Variants in FBXO11 observed in about 807,000 individuals in gnomAD.
The protein encoded by FBXO11 is F-box only protein 11.
In FBXO11, 13 loss-of-function variants were observed where a neutral mutation model predicts 117.0. The observed-to-expected ratio is 0.11, with a 90% confidence interval of 0.07 to 0.18. The LOEUF is 0.18. FBXO11 is among the 10% of genes least tolerant of loss of function. The pLI is 1.00. For synonymous variants in FBXO11, 490 were observed against 380.5 expected (o/e 1.29, Z -3.35); for missense variants, 767 against 1,164.4 (o/e 0.66, Z 4.97).
intron 11 of FBXO11, among the ~76,000 whole-genome samples, chr2:47,831,537 A>G (rs890398184): frequency 1.3e-5 from 2 of 151,968 alleles, no homozygotes; most frequent in African/African-American, 4.8e-5. Context: ...ACAAAACCTC[A>G]CCATAATCCT....
At chr2:47,839,276 C>G (rs1672837734) in intron 3 of FBXO11, 143 bp downstream of exon 3, 1 of 796,856 alleles carries the variant, frequency 1.3e-6, no homozygotes, top group South Asian at 2.0e-5. Context: ...AGGGAGAGGT[C>G]AGGGTTCTAA....
intron 1 of FBXO11, among the ~76,000 whole-genome samples, chr2:47,900,510 T>C (rs564363480): frequency 1.3e-5 from 2 of 149,522 alleles, no homozygotes; most frequent in African/African-American, 2.4e-5. Flanking sequence ...ATTATAAATA[T>C]ACAGCTCATT....
At chr2:47,822,647 G>A (rs1671471753) in intron 12 of FBXO11, among the ~76,000 whole-genome samples, 1 of 152,178 alleles carries the variant, frequency 6.6e-6, no homozygotes, top group African/African-American at 2.4e-5. Flanking sequence ...ATAATTCATA[G>A]TGTCTGATTA....
In FBXO11 at chr2:47,886,505, A is replaced by G. The variant is rs186847991; in HGVS notation, c.232+18984T>C. On this transcript the variant is annotated intron_variant, in intron 1 of 22. Transcript: ENST00000403359. ...TGGGAGACAGAGCGAGACTCTCAAA[A>G]AAAAAAAAAAAAAGTGAATCTTTCT... 4.2e-3 allele frequency among the ~76,000 whole-genome samples: 637 copies of G among 151,886 alleles called. 4 individuals carry two copies. Among genetic ancestry groups the G allele is most frequent in the Non-Finnish European group, 4.0e-3 (275 of 67,930 alleles).
intron 1 of FBXO11, among the ~76,000 whole-genome samples, chr2:47,901,751 T>C (rs1162677104): frequency 1.3e-5 from 2 of 152,188 alleles, no homozygotes; most frequent in African/African-American, 4.8e-5. Context: ...GCTTTCCTCA[T>C]ACTTTGTAAT....
intron 1 of FBXO11, among the ~76,000 whole-genome samples, chr2:47,900,465 C>A (rs1411468518): frequency 6.6e-6 from 1 of 151,930 alleles, no homozygotes; most frequent in Non-Finnish European, 1.5e-5. Flanking sequence ...GCATTCCTGA[C>A]TAGAACAGCA....
At chr2:47,835,786 C>G in intron 5 of FBXO11, 86 bp downstream of exon 5, 2 of 1,094,336 alleles carry the variant, frequency 1.8e-6, no homozygotes, top group Non-Finnish European at 2.5e-6. Context: ...GTGTGAGCCA[C>G]CACGCCCAGC....
chr2:47,830,696 A>C (rs571057415), intron 11 of FBXO11, among the ~76,000 whole-genome samples: 1 of 152,270 alleles, frequency 6.6e-6, no homozygotes, highest in South Asian at 2.1e-4. Flanking sequence ...TACAAGCCCA[A>C]ATCTATTCTT....
At chr2:47,859,715 T>G (rs74371571) in intron 1 of FBXO11, among the ~76,000 whole-genome samples, 11,073 of 152,312 alleles carry the variant, frequency 0.073, 563 homozygotes, top group Non-Finnish European at 0.11. Context: ...ATTTTAACTT[T>G]AATCATTTTG....
At position 47,834,559 on chromosome 2, in the gene FBXO11, G is replaced by C; in HGVS notation, c.934+20C>G. 1 of 1,510,496 alleles carries C rather than the reference G, an allele frequency of 6.6e-7. No individual in the cohort carries two copies. 93.6% of individuals were successfully genotyped at this position (1,510,496 alleles called of 1,614,324 possible). On this transcript the variant is annotated intron_variant, in intron 7 of 22. Transcript: ENST00000403359. ...ATGAGTAAAATATTAAAATTTTAAT[G>C]ACAATGCATTTCAAAATACCTGCAC...
chr2:47,865,654 T>A (rs1287032495), intron 1 of FBXO11: 1 of 152,216 alleles, frequency 6.6e-6, no homozygotes, highest in Non-Finnish European at 1.5e-5. Flanking sequence ...AGATCTAATT[T>A]TAATTAATAG....
At chr2:47,854,930 G>A (rs1341638201) in intron 1 of FBXO11, among the ~76,000 whole-genome samples, 1 of 150,698 alleles carries the variant, frequency 6.6e-6, no homozygotes, top group African/African-American at 2.4e-5. Flanking sequence ...ATTAAGAGAT[G>A]GCTTTGGCAG....
At chr2:47,859,886 A>T (rs549401234) in intron 1 of FBXO11, among the ~76,000 whole-genome samples, 86 of 152,174 alleles carry the variant, frequency 5.7e-4, no homozygotes, top group Non-Finnish European at 1.0e-3. Context: ...ATTTATCAGT[A>T]CCAAGCTATT....
intron 1 of FBXO11, among the ~76,000 whole-genome samples, chr2:47,891,940 C>A (rs1677288771): frequency 6.6e-6 from 1 of 152,102 alleles, no homozygotes; most frequent in African/African-American, 2.4e-5. Flanking sequence ...CTATTGAAGT[C>A]TTTAGCTCAT....
chr2:47,813,213 A>G, intron 18 of FBXO11, 21 bp downstream of exon 18: 1 of 1,610,668 alleles, frequency 6.2e-7, no homozygotes, highest in East Asian at 2.2e-5. Flanking sequence ...TTTTTCACTA[A>G]TGCAAAATTA....
At chr2:47,882,005 C>T (rs892885534) in intron 1 of FBXO11, among the ~76,000 whole-genome samples, 5 of 152,162 alleles carry the variant, frequency 3.3e-5, no homozygotes, top group African/African-American at 1.2e-4. Context: ...ATTTTGGCCT[C>T]CCAAAGTGCT....
intron 1 of FBXO11, among the ~76,000 whole-genome samples, chr2:47,878,354 GTTC>G (rs1389140658): frequency 6.6e-6 from 1 of 151,342 alleles, no homozygotes; most frequent in Non-Finnish European, 1.5e-5. Flanking sequence ...CTTGCCTTTT[GTTC>G]TTTTTTTTTT....
chr2:47,894,252 T>A (rs963990329), intron 1 of FBXO11, among the ~76,000 whole-genome samples: 3 of 152,154 alleles, frequency 2.0e-5, no homozygotes, highest in African/African-American at 7.2e-5. Context: ...CAGAAAAACA[T>A]CTCTAAAAGC....
In FBXO11 at chr2:47,905,641, G is replaced by A; in HGVS notation, c.80C>T (p.Pro27Leu). ...CGGCTGCGGCGGCGGCTGCTGCGGG[G>A]GCTGCTGCTGCTGTTGCTGCACCGG... ...PRPVQQQQQQ[P>L]PQQPPPQPPQ... Residue 27 changes from proline to leucine, a missense_variant, in exon 1 of 23, where the codon CCC becomes CTC. Physicochemically the swap from Pro to Leu is moderately conservative, Grantham distance 98. This residue lies in a region of FBXO11 where 355 missense variants were observed against 299.8 expected (regional missense o/e 1.18). Transcript: ENST00000403359. 7.0e-7 allele frequency: 1 copy of A among 1,433,898 alleles called. No homozygotes were observed. Among genetic ancestry groups the A allele is most frequent in the South Asian group, 1.4e-5 (1 of 71,832 alleles). 88.8% of individuals were successfully genotyped at this position (1,433,898 alleles called of 1,614,324 possible).
Sources: gnomAD v4.1 joint callset for allele counts (sites outside exome capture counted in the v4.1 genomes callset) on GRCh38, gnomAD v4.1.1 for gene constraint, gnomAD v4.1.1 regional missense constraint, MANE v1.5 for transcripts, NCBI Gene and HGNC (gene_info 2026-07-23, HGNC 2026-07-21) for gene names.